The following CCDC91 variants were observed in gnomAD, a reference collection of about 807,000 sequenced individuals.
CCDC91 encodes the protein coiled-coil domain containing 91.
In CCDC91, 48 loss-of-function variants were observed where a neutral mutation model predicts 63.2. That is an observed-to-expected ratio of 0.76 (90% CI 0.60 to 0.97). CCDC91 has a LOEUF of 0.97. Ranked by LOEUF, CCDC91 falls within the 50% of genes least tolerant of loss-of-function variation. The probability of loss-of-function intolerance (pLI) is 0.00; values close to 1 mark genes in which losing one functional copy is unlikely to be tolerated. For missense variants in CCDC91, 500 were observed against 494.6 expected (o/e 1.01, Z -0.10); for synonymous variants, 167 against 165.8 (o/e 1.01, Z -0.06).
At chr12:28,427,782 TAGG>T (rs1222193909) in intron 8 of CCDC91, among the ~76,000 whole-genome samples, 1 of 152,192 alleles carries the variant, frequency 6.6e-6, no homozygotes, top group Admixed American at 6.5e-5. Flanking sequence ...GTTGTAAGGA[TAGG>T]AGGAGTAATG....
At position 28,524,966 on chromosome 12, in the gene CCDC91, G is replaced by T. The variant is rs191050478; in HGVS notation, c.1216-24097G>T. 1.8e-3 allele frequency among the ~76,000 whole-genome samples: 273 copies of T among 152,112 alleles called. 3 individuals are homozygous for T. The highest frequency in any genetic ancestry group is 6.3e-3 in the African/African-American group (261 of 41,530). ...TATCTCCCATTTCATTTCTAATTGA[G>T]CTTAGTTGGATGTTCTCTCTTCTTT... On this transcript the variant is annotated intron_variant, in intron 12 of 12. Transcript: ENST00000536442.
At chr12:28,547,161 G>A (rs575013698) in intron 12 of CCDC91, among the ~76,000 whole-genome samples, 1 of 152,118 alleles carries the variant, frequency 6.6e-6, no homozygotes, top group African/African-American at 2.4e-5. Flanking sequence ...ACATCCAAAA[G>A]TAGACAGAAA....
intron 6 of CCDC91, among the ~76,000 whole-genome samples, chr12:28,310,488 T>C (rs1484030128): frequency 1.3e-5 from 2 of 152,066 alleles, no homozygotes; most frequent in African/African-American, 2.4e-5. Context: ...AAAACTTTTT[T>C]CAGATGACTT....
chr12:28,462,884 G>A (rs1480632651), intron 11 of CCDC91, among the ~76,000 whole-genome samples: 1 of 152,088 alleles, frequency 6.6e-6, no homozygotes, highest in Non-Finnish European at 1.5e-5. Flanking sequence ...AGCATTTCAG[G>A]AAAGGCTCCT....
chr12:28,402,520 A>ATTTTTTTTTTTTTTTTTTTTTT (rs57398967), intron 8 of CCDC91, among the ~76,000 whole-genome samples: 1 of 51,926 alleles, frequency 1.9e-5, no homozygotes, highest in Non-Finnish European at 3.4e-5. Flanking sequence ...AGTTCCAGGA[A>ATTTTTTTTTTTTTTTTTTTTTT]TTTTTTTTTT....
Position 28,240,379 on chromosome 12 carries a change from T to C in CCDC91, c.-14-16823T>C, listed in dbSNP as rs75571292. 9.7e-3 allele frequency among the ~76,000 whole-genome samples: 1,473 copies of C among 152,296 alleles called. 18 individuals carry two copies. The highest frequency in any genetic ancestry group is 0.021 in the South Asian group (100 of 4,826). On this transcript the variant is annotated intron_variant, in intron 1 of 12. Coordinates refer to ENST00000536442, the MANE Select transcript of CCDC91 (RefSeq NM_018318.5). ...TTTTTCCTTTTTGTTTATCTCACAA[T>C]TTTTGTCACCCACTGTAAAAAACTG...
intron 1 of CCDC91, among the ~76,000 whole-genome samples, chr12:28,202,374 T>C (rs1414753812): frequency 1.3e-5 from 2 of 152,246 alleles, no homozygotes; most frequent in African/African-American, 4.8e-5. Context: ...AAATAATATC[T>C]AATGTGGTAA....
intron 11 of CCDC91, among the ~76,000 whole-genome samples, chr12:28,477,489 G>T (rs1190302340): frequency 6.6e-6 from 1 of 152,014 alleles, no homozygotes; most frequent in Admixed American, 6.6e-5. Context: ...AGCTATTTAT[G>T]ACAAACCCAC....
intron 6 of CCDC91, among the ~76,000 whole-genome samples, chr12:28,321,267 A>C (rs1299743230): frequency 4.6e-5 from 7 of 151,828 alleles, no homozygotes; most frequent in Non-Finnish European, 1.0e-4. Context: ...TATTTTCCTC[A>C]AAACTTAGCT....
intron 1 of CCDC91, among the ~76,000 whole-genome samples, chr12:28,202,615 G>T (rs1942547417): frequency 6.6e-6 from 1 of 152,194 alleles, no homozygotes; most frequent in Non-Finnish European, 1.5e-5. Flanking sequence ...TGTGCATGAT[G>T]GGGCATGCCT....
chr12:28,429,715 G>T (rs560274739), intron 8 of CCDC91, among the ~76,000 whole-genome samples: 2 of 152,124 alleles, frequency 1.3e-5, no homozygotes, highest in East Asian at 1.9e-4. Flanking sequence ...AAATGCATGT[G>T]TATTTTTTCT....
intron 8 of CCDC91, among the ~76,000 whole-genome samples, chr12:28,405,736 G>C (rs1946895139): frequency 6.6e-6 from 1 of 152,066 alleles, no homozygotes; most frequent in Admixed American, 6.6e-5. Flanking sequence ...TGGTTTTGTT[G>C]GCTGGAAAAG....
rs772867772 is a variant in CCDC91, at chr12:28,549,102, G to C, written c.1255G>C (p.Glu419Gln). The change falls in exon 13 of 13, where the codon GAA becomes CAA. Residue 419 changes from glutamate (E) to glutamine (Q), a missense_variant. Glu to Gln is a conservative substitution (Grantham distance 29, BLOSUM62 2). Coordinates refer to ENST00000536442, the MANE Select transcript of CCDC91 (RefSeq NM_018318.5). The part of the protein sequence containing the change: ...VIRQRSLSSL[E>Q]LFLSCAQKQL... ...CCGCCAAAGAAGCCTGTCCAGTTTG[G>C]AACTGTTCCTCTCCTGTGCACAGAA... is the stretch of plus-strand genomic sequence containing the variant. The C allele has an allele frequency of 1.2e-6, 2 of 1,612,662 alleles. No homozygotes were observed. The highest frequency in any genetic ancestry group is 2.7e-5 in the African/African-American group (2 of 74,808).
At chr12:28,263,199 CA>C (rs1946944781) in intron 3 of CCDC91, among the ~76,000 whole-genome samples, 1 of 151,940 alleles carries the variant, frequency 6.6e-6, no homozygotes, top group African/African-American at 2.4e-5. Context: ...ACTTCTGTAC[CA>C]GTTGTTTGGT....
intron 11 of CCDC91, among the ~76,000 whole-genome samples, chr12:28,454,196 T>G (rs576106952): frequency 1.3e-5 from 2 of 152,280 alleles, no homozygotes; most frequent in Admixed American, 6.5e-5. Flanking sequence ...TTTCTTTGTT[T>G]GGAACATTAT....
At chr12:28,464,396 C>T (rs1160139957) in intron 11 of CCDC91, among the ~76,000 whole-genome samples, 5 of 152,180 alleles carry the variant, frequency 3.3e-5, no homozygotes, top group Non-Finnish European at 7.4e-5. Context: ...CATCCCCAGC[C>T]CCAGGTTGTA....
intron 11 of CCDC91, among the ~76,000 whole-genome samples, chr12:28,471,557 A>G (rs1232714226): frequency 6.6e-6 from 1 of 152,122 alleles, no homozygotes; most frequent in Non-Finnish European, 1.5e-5. Flanking sequence ...TATTTAACAG[A>G]CCCAGAGAAC....
At chr12:28,456,785 A>T in intron 11 of CCDC91, among the ~76,000 whole-genome samples, 1 of 152,162 alleles carries the variant, frequency 6.6e-6, no homozygotes, top group East Asian at 1.9e-4. Context: ...ATGCTTATTC[A>T]TGAGCCTAGA....
chr12:28,343,669 G>A (rs1460212159), intron 6 of CCDC91, among the ~76,000 whole-genome samples: 1 of 151,962 alleles, frequency 6.6e-6, no homozygotes, highest in African/African-American at 2.4e-5. Context: ...GGTCTTTTCT[G>A]GTTCTATAAT....
Sources: allele counts gnomAD v4.1 joint callset (sites outside exome capture counted in the v4.1 genomes callset), GRCh38; gene constraint gnomAD v4.1.1; transcripts MANE v1.5; gene names NCBI Gene and HGNC (gene_info 2026-07-23, HGNC 2026-07-21).